Variants in ADGRB3 observed in about 807,000 individuals in gnomAD.
ADGRB3 encodes brain-specific angiogenesis inhibitor 3.
Under a neutral mutation model 193.4 loss-of-function variants are expected in ADGRB3, and 37 were observed. The observed-to-expected ratio is 0.19, with a 90% CI of 0.15 to 0.25. The LOEUF is 0.25. ADGRB3 is among the 10% of genes least tolerant of loss of function. The probability of loss-of-function intolerance (pLI) is 1.00; values close to 1 mark genes in which losing one functional copy is unlikely to be tolerated. For missense variants in ADGRB3, 1,637 were observed against 1,852.9 expected, an observed-to-expected ratio of 0.88 and a Z score of 2.14; for synonymous variants, 690 against 644.2, an observed-to-expected ratio of 1.07 and a Z score of -1.08.
intron 17 of ADGRB3, among the ~76,000 whole-genome samples, chr6:69,083,653 C>T (rs1582448291): frequency 6.6e-6 from 1 of 152,124 alleles, no homozygotes; most frequent in East Asian, 1.9e-4. Context: ...CTTTGACTGA[C>T]TTACTCCAAG....
At chr6:68,691,890 A>G (rs1243702826) in intron 3 of ADGRB3, among the ~76,000 whole-genome samples, 2 of 151,668 alleles carry the variant, frequency 1.3e-5, no homozygotes, top group Non-Finnish European at 2.9e-5. Context: ...TACTTAATAT[A>G]TAGCCTCCAT....
At chr6:69,177,940 T>C (rs2150350254) in intron 17 of ADGRB3, among the ~76,000 whole-genome samples, 1 of 152,322 alleles carries the variant, frequency 6.6e-6, no homozygotes, top group East Asian at 1.9e-4. Context: ...ATTCCATAGA[T>C]ATCTATTAGC....
intron 3 of ADGRB3, among the ~76,000 whole-genome samples, chr6:68,825,909 G>A (rs913164288): frequency 6.6e-6 from 1 of 152,092 alleles, no homozygotes; most frequent in Non-Finnish European, 1.5e-5. Context: ...CTACAGCAGT[G>A]TGAGAATGGA....
intron 15 of ADGRB3, among the ~76,000 whole-genome samples, chr6:69,060,251 C>CTCTCT (rs1562141973): frequency 1.6e-5 from 1 of 61,242 alleles, no homozygotes. Flanking sequence ...TCTCTCTCTC[C>CTCTCT]TCCTCTGTCT....
At chr6:68,938,812 C>G (rs1473024623) in intron 5 of ADGRB3, among the ~76,000 whole-genome samples, 1 of 152,074 alleles carries the variant, frequency 6.6e-6, no homozygotes, top group East Asian at 1.9e-4. Flanking sequence ...GATCCAGGAT[C>G]AAGTTTTATG....
At chr6:68,702,115 A>C (rs1159823442) in intron 3 of ADGRB3, among the ~76,000 whole-genome samples, 1 of 152,110 alleles carries the variant, frequency 6.6e-6, no homozygotes, top group Non-Finnish European at 1.5e-5. Flanking sequence ...AAGTATAGCA[A>C]CATCTGCTTC....
intron 17 of ADGRB3, among the ~76,000 whole-genome samples, chr6:69,172,351 A>G (rs1002240402): frequency 1.3e-5 from 2 of 151,990 alleles, no homozygotes; most frequent in Non-Finnish European, 2.9e-5. Context: ...GAGATAATAA[A>G]GAAATAAACA....
intron 3 of ADGRB3, among the ~76,000 whole-genome samples, chr6:68,706,356 T>G (rs1275427884): frequency 6.6e-6 from 1 of 152,114 alleles, no homozygotes; most frequent in Non-Finnish European, 1.5e-5. Flanking sequence ...ATAAAAGATA[T>G]GGTGATGTGA....
At chr6:68,982,071 A>G (rs1768932836) in intron 10 of ADGRB3, among the ~76,000 whole-genome samples, 1 of 151,778 alleles carries the variant, frequency 6.6e-6, no homozygotes, top group African/African-American at 2.4e-5. Context: ...TTTTCAGTAG[A>G]AACGGGTTTT....
chr6:68,976,507 C>G (rs1331529119), intron 10 of ADGRB3, among the ~76,000 whole-genome samples: 1 of 152,072 alleles, frequency 6.6e-6, no homozygotes, highest in Non-Finnish European at 1.5e-5. Flanking sequence ...ACTTTTGACT[C>G]CCTTCACATT....
chr6:69,224,064 C>T (rs2127251750), intron 17 of ADGRB3, among the ~76,000 whole-genome samples: 1 of 151,570 alleles, frequency 6.6e-6, no homozygotes, highest in East Asian at 1.9e-4. Context: ...AACAATAATA[C>T]CTATAATTTG....
At chr6:68,921,332 A>G (rs1767038512) in intron 3 of ADGRB3, among the ~76,000 whole-genome samples, 2 of 152,230 alleles carry the variant, frequency 1.3e-5, no homozygotes, top group South Asian at 2.1e-4. Flanking sequence ...TGTAGCAGAC[A>G]AGTGTATCAA....
At chr6:69,174,648 G>T (rs1455164940) in intron 17 of ADGRB3, among the ~76,000 whole-genome samples, 4 of 152,158 alleles carry the variant, frequency 2.6e-5, no homozygotes, top group Non-Finnish European at 4.4e-5. Flanking sequence ...TGATTGTTCT[G>T]TTTTAAGTTC....
chr6:68,675,635 T>A (rs189351121), intron 3 of ADGRB3, among the ~76,000 whole-genome samples: 1 of 151,700 alleles, frequency 6.6e-6, no homozygotes, highest in African/African-American at 2.4e-5. Flanking sequence ...GCAGCACGAG[T>A]GAATGGATGG....
chr6:69,172,415 G>A (rs1000305398), intron 17 of ADGRB3, among the ~76,000 whole-genome samples: 40 of 151,660 alleles, frequency 2.6e-4, no homozygotes, highest in Non-Finnish European at 7.4e-5. Context: ...AGGCCGAGGC[G>A]GGTGGATCAC....
At chr6:69,245,387 T>A (rs1766477889) in intron 20 of ADGRB3, among the ~76,000 whole-genome samples, 2 of 152,134 alleles carry the variant, frequency 1.3e-5, no homozygotes, top group African/African-American at 4.8e-5. Flanking sequence ...ATTTTGTTTA[T>A]CTGTGAAGAT....
chr6:69,251,687 A>G (rs1395086648), intron 20 of ADGRB3, among the ~76,000 whole-genome samples: 4 of 152,178 alleles, frequency 2.6e-5, no homozygotes, highest in Non-Finnish European at 5.9e-5. Context: ...CATACAACAT[A>G]GTGTTTTGAT....
intron 3 of ADGRB3, among the ~76,000 whole-genome samples, chr6:68,863,983 A>G (rs1041335514): frequency 2.0e-5 from 3 of 152,020 alleles, no homozygotes; most frequent in African/African-American, 7.2e-5. Context: ...TCCTAATTAG[A>G]TTTTCTTTCA....
At chr6:69,005,920 T>C (rs951547646) in intron 11 of ADGRB3, among the ~76,000 whole-genome samples, 1 of 152,218 alleles carries the variant, frequency 6.6e-6, no homozygotes, top group Admixed American at 6.5e-5. Flanking sequence ...TATAATATTC[T>C]GCCTTTCTGA....
Sources: allele counts gnomAD v4.1 joint callset (sites outside exome capture counted in the v4.1 genomes callset), GRCh38; gene constraint gnomAD v4.1.1; transcripts MANE v1.5; gene names NCBI Gene and HGNC (gene_info 2026-07-23, HGNC 2026-07-21).